The following HDAC8 variants were observed in gnomAD, a reference collection of about 807,000 sequenced individuals.
The protein encoded by HDAC8 is histone deacetylase-like 1.
In HDAC8, 1 loss-of-function variant was observed where a neutral mutation model predicts 32.2. The observed-to-expected ratio is 0.03, with a 90% confidence interval of 0.01 to 0.15. HDAC8 has a LOEUF of 0.15. Among genes scored for constraint, HDAC8 ranks in the 10% least tolerant of loss-of-function variants. The probability of loss-of-function intolerance (pLI) is 1.00; values close to 1 mark genes in which losing one functional copy is unlikely to be tolerated. For missense variants in HDAC8, 117 were observed against 300.0 expected, an observed-to-expected ratio of 0.39 and a Z score of 4.51; for synonymous variants, 108 against 113.9, an observed-to-expected ratio of 0.95 and a Z score of 0.33.
chrX:72,534,299 G>A (rs868947535), intron 4 of HDAC8, among the ~76,000 whole-genome samples: 172 of 88,897 alleles, frequency 1.9e-3, no homozygotes, highest in African/African-American at 8.3e-3. Flanking sequence ...ATATATATAT[G>A]TGTATATATA....
At chrX:72,506,723 G>A (rs1224868140) in intron 4 of HDAC8, among the ~76,000 whole-genome samples, 11 of 111,594 alleles carry the variant, frequency 9.9e-5, no homozygotes, top group Admixed American at 9.5e-4. Flanking sequence ...ATTGCCAAGA[G>A]TACCCATACC....
chrX:72,461,965 C>A (rs2047879625), intron 9 of HDAC8, 39 bp downstream of exon 9: 2 of 1,031,252 alleles, frequency 1.9e-6, no homozygotes, highest in African/African-American at 3.7e-5. Flanking sequence ...CTCAGCTCTT[C>A]CCCTTAAAGA....
At chrX:72,548,528 A>C (rs1472274403) in intron 4 of HDAC8, among the ~76,000 whole-genome samples, 1 of 111,555 alleles carries the variant, frequency 9.0e-6, no homozygotes, top group Non-Finnish European at 1.9e-5. Flanking sequence ...TACTTTTAAA[A>C]ATGTTGTTCT....
At chrX:72,371,365 T>G (rs1260630565) in intron 9 of HDAC8, among the ~76,000 whole-genome samples, 1 of 111,759 alleles carries the variant, frequency 8.9e-6, no homozygotes, top group African/African-American at 3.3e-5. Context: ...AGTCATACAT[T>G]AGTGAAAATT....
intron 1 of HDAC8, chrX:72,572,415 G>C: frequency 2.5e-6 from 1 of 405,089 alleles, no homozygotes; most frequent in South Asian, 4.9e-5. Flanking sequence ...CCCCTCCTCC[G>C]TACCCCCTCC....
At chrX:72,389,036 G>C (rs2045539560) in intron 9 of HDAC8, among the ~76,000 whole-genome samples, 1 of 112,226 alleles carries the variant, frequency 8.9e-6, no homozygotes, top group South Asian at 3.7e-4. Context: ...ATTAATACTT[G>C]TTTATGCACT....
chrX:72,408,124 TC>T (rs1283559643), intron 9 of HDAC8, among the ~76,000 whole-genome samples: 1 of 111,745 alleles, frequency 8.9e-6, no homozygotes, highest in African/African-American at 3.3e-5. Context: ...GGAGAAAAAA[TC>T]CTGCCCTTTA....
At chrX:72,523,488 C>T (rs782676455) in intron 4 of HDAC8, among the ~76,000 whole-genome samples, 1 of 111,281 alleles carries the variant, frequency 9.0e-6, no homozygotes, top group Non-Finnish European at 1.9e-5. Context: ...TCCTCTGATT[C>T]CTATACACTA....
At chrX:72,562,098 C>A (rs2051585557) in intron 4 of HDAC8, among the ~76,000 whole-genome samples, 1 of 112,071 alleles carries the variant, frequency 8.9e-6, no homozygotes, top group Non-Finnish European at 1.9e-5. Flanking sequence ...TAAACTAGTA[C>A]AATCACTATG....
Position 72,561,126 on chromosome X carries a change from GCAAT to G in HDAC8, c.437+6759_437+6762del, listed in dbSNP as rs2051548978. On this transcript the variant is annotated intron_variant, in intron 4 of 10. Coordinates refer to ENST00000373573, the MANE Select transcript of HDAC8 (RefSeq NM_018486.3). Reference sequence around the variant, plus strand: ...TGTGAAAATGACCATACTGCCGAAAGCAATCTACAAATTCAGTGCAATTCCCATC... The same window carrying G: ...TGTGAAAATGACCATACTGCCGAAAGCTACAAATTCAGTGCAATTCCCATC... Among the ~76,000 whole-genome samples, 4 of 111,911 alleles carry G rather than the reference GCAAT, an allele frequency of 3.6e-5. No individual in the cohort carries two copies. In the South Asian group the frequency reaches 1.5e-3, roughly 42 times the overall value.
chrX:72,487,630 C>T (rs1480025928), intron 7 of HDAC8, among the ~76,000 whole-genome samples: 1 of 108,242 alleles, frequency 9.2e-6, no homozygotes, highest in Non-Finnish European at 1.9e-5. Flanking sequence ...ACTATACTTG[C>T]TGGATGATGA....
At chrX:72,349,156 C>A (rs906368678) in intron 10 of HDAC8, among the ~76,000 whole-genome samples, 13 of 112,456 alleles carry the variant, frequency 1.2e-4, no homozygotes, top group African/African-American at 3.9e-4. Flanking sequence ...GCCACATAGA[C>A]CCTGTCTATG....
In HDAC8 at chrX:72,489,458, G is replaced by A. The variant is rs782024919; in HGVS notation, c.629-417C>T. Among the ~76,000 whole-genome samples the A allele has an allele frequency of 8.4e-4, 94 of 111,353 alleles. 1 individual carries two copies. Among genetic ancestry groups the A allele is most frequent in the Non-Finnish European group, 6.0e-4 (32 of 53,066 alleles). On this transcript the variant is annotated intron_variant, in intron 6 of 10. Coordinates refer to ENST00000373573, the MANE Select transcript of HDAC8 (RefSeq NM_018486.3). Reference sequence around the variant, plus strand: ...TTGTTATTGTCACCTGAGGTGACCTGTGTTAAAATTTTGCACAGGACTGAG... The same window carrying A: ...TTGTTATTGTCACCTGAGGTGACCTATGTTAAAATTTTGCACAGGACTGAG...
At chrX:72,367,839 CT>C (rs782573017) in intron 9 of HDAC8, among the ~76,000 whole-genome samples, 8 of 113,068 alleles carry the variant, frequency 7.1e-5, no homozygotes, top group African/African-American at 2.2e-4. Context: ...ACAGCAGGCT[CT>C]GCTTCCTTGA....
chrX:72,380,108 G>T (rs1251500609), intron 9 of HDAC8, among the ~76,000 whole-genome samples: 1 of 111,108 alleles, frequency 9.0e-6, no homozygotes, highest in African/African-American at 3.3e-5. Flanking sequence ...CTGTGCATAT[G>T]CATAGCCTTT....
At chrX:72,457,318 C>A (rs782491233) in intron 9 of HDAC8, among the ~76,000 whole-genome samples, 1 of 112,189 alleles carries the variant, frequency 8.9e-6, no homozygotes, top group African/African-American at 3.2e-5. Context: ...TAAAGATATT[C>A]ACACACCATT....
chrX:72,516,804 T>C (rs2049820837), intron 4 of HDAC8, among the ~76,000 whole-genome samples: 1 of 112,123 alleles, frequency 8.9e-6, no homozygotes, highest in Non-Finnish European at 1.9e-5. Flanking sequence ...TAAAATTCCG[T>C]CGCATTTAGA....
At chrX:72,416,614 T>A (rs1460454280) in intron 9 of HDAC8, among the ~76,000 whole-genome samples, 1 of 106,201 alleles carries the variant, frequency 9.4e-6, no homozygotes, top group African/African-American at 3.4e-5. Context: ...TTCTATTTTA[T>A]TAGGGTTGCA....
intron 9 of HDAC8, among the ~76,000 whole-genome samples, chrX:72,395,043 A>C (rs984373991): frequency 3.6e-5 from 4 of 111,654 alleles, no homozygotes; most frequent in African/African-American, 1.3e-4. Context: ...CTTGCCTTTA[A>C]AAAAGGAGTT....
Sources: gnomAD v4.1 joint callset for allele counts (sites outside exome capture counted in the v4.1 genomes callset) on GRCh38, gnomAD v4.1.1 for gene constraint, MANE v1.5 for transcripts, NCBI Gene and HGNC (gene_info 2026-07-23, HGNC 2026-07-21) for gene names.